Variants in CSMD1 observed in about 807,000 individuals in gnomAD.
CSMD1 encodes CUB and sushi domain-containing protein 1.
In CSMD1, 213 loss-of-function variants were observed where a neutral mutation model predicts 417.5. That is an observed-to-expected ratio of 0.51 (90% CI 0.46 to 0.57). CSMD1 has a LOEUF of 0.57. Ranked by LOEUF, CSMD1 falls within the 20% of genes least tolerant of loss-of-function variation. The pLI, the probability that CSMD1 is intolerant of heterozygous loss-of-function variation, is 0.00. For missense variants in CSMD1, 6,923 were observed against 4,529.7 expected (o/e 1.53, Z -15.17); for synonymous variants, 2,862 against 1,736.8 (o/e 1.65, Z -16.11).
At chr8:3,953,656 G>A (rs1018852280) in intron 5 of CSMD1, among the ~76,000 whole-genome samples, 1 of 152,218 alleles carries the variant, frequency 6.6e-6, no homozygotes, top group Non-Finnish European at 1.5e-5. Context: ...AAGAACGCTG[G>A]GACTGGGAGC....
chr8:3,319,337 C>T (rs1241769217), intron 23 of CSMD1, among the ~76,000 whole-genome samples: 4 of 152,014 alleles, frequency 2.6e-5, no homozygotes, highest in African/African-American at 7.3e-5. Context: ...TGGCAAAGTA[C>T]AAATGAAAAT....
chr8:4,509,907 G>A (rs1192327257), intron 2 of CSMD1, among the ~76,000 whole-genome samples: 2 of 152,024 alleles, frequency 1.3e-5, no homozygotes, highest in African/African-American at 2.4e-5. Context: ...GTGTTTATGT[G>A]GTTTACCTGA....
At chr8:3,208,442 T>C (rs141024513) in intron 30 of CSMD1, among the ~76,000 whole-genome samples, 5,404 of 152,204 alleles carry the variant, frequency 0.036, 243 homozygotes, top group East Asian at 0.22. Context: ...AATTTTTGTA[T>C]TTTTAGTAGA....
chr8:3,188,213 C>T (rs1022302233), intron 35 of CSMD1, among the ~76,000 whole-genome samples: 6 of 114,426 alleles, frequency 5.2e-5, no homozygotes, highest in Non-Finnish European at 7.3e-5. Flanking sequence ...AAATCATCTA[C>T]ATGTCTATCT....
intron 1 of CSMD1, among the ~76,000 whole-genome samples, chr8:4,970,499 G>A (rs942533441): frequency 6.6e-6 from 1 of 152,144 alleles, no homozygotes; most frequent in South Asian, 2.1e-4. Context: ...CATTCTCATG[G>A]AATAGAGGTT....
intron 5 of CSMD1, among the ~76,000 whole-genome samples, chr8:3,912,320 G>T (rs549664149): frequency 6.6e-6 from 1 of 152,068 alleles, no homozygotes; most frequent in Non-Finnish European, 1.5e-5. Flanking sequence ...TATTTGATAC[G>T]TACTAATCAA....
In CSMD1 at chr8:3,661,974, G is replaced by T. The variant is rs187874103; in HGVS notation, c.1010-45177C>A. ...GAAAATGAGAACGGGACACCCAGAG[G>T]CTGCGGGAGAGAGGAGCTACGCAGA... On this transcript the variant is annotated intron_variant, in intron 7 of 69. Transcript: ENST00000635120. Among the ~76,000 whole-genome samples, 3 of 152,306 alleles carry T rather than the reference G, an allele frequency of 2.0e-5. No homozygotes were observed. The East Asian group carries it at 5.8e-4, about 29-fold the overall frequency.
chr8:4,567,103 A>G (rs1048756218), intron 2 of CSMD1, among the ~76,000 whole-genome samples: 3 of 150,664 alleles, frequency 2.0e-5, no homozygotes, highest in Admixed American at 6.6e-5. Flanking sequence ...TTTAAAATGT[A>G]TGGCTTTGAA....
chr8:4,442,401 C>G (rs78503709), intron 2 of CSMD1, among the ~76,000 whole-genome samples: 13,806 of 152,172 alleles, frequency 0.091, 761 homozygotes, highest in Non-Finnish European at 0.092. Flanking sequence ...GCCTACGTTT[C>G]CAGTCCCCAC....
At chr8:4,438,516 G>C (rs1353865656) in intron 2 of CSMD1, among the ~76,000 whole-genome samples, 1 of 152,196 alleles carries the variant, frequency 6.6e-6, no homozygotes, top group Admixed American at 6.5e-5. Flanking sequence ...AGATGCAGGT[G>C]GAAGTCCCAC....
chr8:3,293,476 A>G (rs189969747), intron 25 of CSMD1, among the ~76,000 whole-genome samples: 30 of 152,242 alleles, frequency 2.0e-4, no homozygotes, highest in Non-Finnish European at 2.9e-5. Context: ...TCAGACGTAG[A>G]TTCGGTCTTT....
At chr8:4,399,401 G>T (rs974455280) in intron 3 of CSMD1, among the ~76,000 whole-genome samples, 4 of 152,280 alleles carry the variant, frequency 2.6e-5, no homozygotes, top group African/African-American at 9.6e-5. Context: ...ATAGGCAAGG[G>T]CTAAAGAGGT....
intron 2 of CSMD1, among the ~76,000 whole-genome samples, chr8:4,482,777 A>T (rs962866203): frequency 6.6e-6 from 1 of 152,168 alleles, no homozygotes; most frequent in Non-Finnish European, 1.5e-5. Flanking sequence ...GACTTGTTTA[A>T]AATAGCCATT....
intron 3 of CSMD1, among the ~76,000 whole-genome samples, chr8:4,320,357 C>A (rs1459017098): frequency 6.6e-6 from 1 of 151,612 alleles, no homozygotes; most frequent in Non-Finnish European, 1.5e-5. Flanking sequence ...CACAAATAAA[C>A]CTTTTTTATT....
intron 3 of CSMD1, among the ~76,000 whole-genome samples, chr8:4,215,188 G>A (rs567279931): frequency 3.3e-4 from 51 of 152,252 alleles, no homozygotes; most frequent in African/African-American, 8.2e-4. Context: ...TTGTGTCCAC[G>A]GCATAAAGGC....
intron 5 of CSMD1, among the ~76,000 whole-genome samples, chr8:3,813,509 C>A (rs1323224997): frequency 6.6e-6 from 1 of 151,968 alleles, no homozygotes; most frequent in Non-Finnish European, 1.5e-5. Flanking sequence ...GAAGGGCTGG[C>A]GTGAATATGA....
At chr8:4,833,006 G>A (rs1435690612) in intron 1 of CSMD1, among the ~76,000 whole-genome samples, 2 of 152,124 alleles carry the variant, frequency 1.3e-5, no homozygotes, top group African/African-American at 4.8e-5. Flanking sequence ...TAAAATAAAT[G>A]GACCGACCTT....
At chr8:4,880,782 T>C (rs139612593) in intron 1 of CSMD1, among the ~76,000 whole-genome samples, 1 of 152,132 alleles carries the variant, frequency 6.6e-6, no homozygotes, top group Admixed American at 6.5e-5. Flanking sequence ...CATTTCTTTG[T>C]GCATTTTCTT....
chr8:4,723,191 C>A (rs546802616), intron 1 of CSMD1, among the ~76,000 whole-genome samples: 1 of 152,154 alleles, frequency 6.6e-6, no homozygotes, highest in South Asian at 2.1e-4. Flanking sequence ...GGGGAACCCG[C>A]CAGGAAGTCA....
Sources: allele counts gnomAD v4.1 joint callset (sites outside exome capture counted in the v4.1 genomes callset), GRCh38; gene constraint gnomAD v4.1.1; transcripts MANE v1.5; gene names NCBI Gene and HGNC (gene_info 2026-07-23, HGNC 2026-07-21).